The following DGKB variants were observed in gnomAD, a reference collection of about 807,000 sequenced individuals.
The protein encoded by DGKB is 90 kDa diacylglycerol kinase.
In DGKB, 67 loss-of-function variants were observed where a neutral mutation model predicts 114.3. The observed-to-expected ratio is 0.59, with a 90% CI of 0.48 to 0.72. The LOEUF is 0.72. Among genes scored for constraint, DGKB ranks in the 30% least tolerant of loss-of-function variants. DGKB has a pLI of 0.00. For synonymous variants in DGKB, 398 were observed against 323.1 expected, an observed-to-expected ratio of 1.23 and a Z score of -2.49; for missense variants, 907 against 975.2, an observed-to-expected ratio of 0.93 and a Z score of 0.93.
chr7:14,574,494 C>T, intron 19 of DGKB, 122 bp from the exon 20 acceptor site: 1 of 749,912 alleles, frequency 1.3e-6, no homozygotes, highest in Non-Finnish European at 2.1e-6. Context: ...TTTTGAAGCA[C>T]ATTCTGCCAC....
In DGKB at chr7:14,959,573, A is replaced by G. The variant is rs564387836; in HGVS notation, c.-188+15123T>C. On this transcript the variant is annotated intron_variant, in intron 1 of 4. Coordinates refer to the DGKB transcript ENST00000437998. Reference sequence around the variant, plus strand: ...TAGCCTAGTAACCATGTTTGTCACCAAATTACATATTGCCATGCTTACTAA... The same window carrying G: ...TAGCCTAGTAACCATGTTTGTCACCGAATTACATATTGCCATGCTTACTAA... Among the ~76,000 whole-genome samples, 79 of 152,140 alleles carry G rather than the reference A, an allele frequency of 5.2e-4. No homozygotes were observed. The South Asian group carries it at 0.011, about 22-fold the overall frequency.
rs1554404750 is a variant in DGKB, at chr7:14,392,995, G to GTTTTTTTGTTTTTTTGTTTTTTT, written c.1836-47605_1836-47604insAAAAAAACAAAAAAACAAAAAAA. Among the ~76,000 whole-genome samples, 7 of 60,548 alleles carry GTTTTTTTGTTTTTTTGTTTTTTT rather than the reference G, an allele frequency of 1.2e-4. No individual in the cohort carries two copies. The East Asian group carries it at 3.7e-3, about 32-fold the overall frequency. 39.7% of individuals were successfully genotyped at this position (60,548 alleles called of 152,430 possible). On this transcript the variant is annotated intron_variant, in intron 21 of 25. Coordinates refer to ENST00000402815, the MANE Select transcript of DGKB (RefSeq NM_001350709.2). ...CAAAACAGACCTGTTTTTTGTTTTT[G>GTTTTTTTGTTTTTTTGTTTTTTT]TTTTTTTTTTTTTGAGACGGAGTCT...
At chr7:14,946,976 T>C (rs1002147561) in intron 1 of DGKB, among the ~76,000 whole-genome samples, 13 of 151,726 alleles carry the variant, frequency 8.6e-5, no homozygotes, top group Admixed American at 3.3e-4. Flanking sequence ...AAATAAGTCA[T>C]ACTCTAAGAA....
chr7:14,475,245 T>A (rs80146441), intron 21 of DGKB, among the ~76,000 whole-genome samples: 8,946 of 152,128 alleles, frequency 0.059, 850 homozygotes, highest in African/African-American at 0.2. Flanking sequence ...AAAATCCATT[T>A]GCAAATTCCT....
chr7:14,573,467 CTGTGTGTGTGTGTGTG>C (rs4027158), intron 20 of DGKB, among the ~76,000 whole-genome samples: 1 of 145,472 alleles, frequency 6.9e-6, no homozygotes, highest in African/African-American at 2.5e-5. Context: ...TAATCTATCT[CTGTGTGTGTGTGTGTG>C]TGTGTGTGTG....
At chr7:14,926,254 T>A (rs1201030845) in intron 1 of DGKB, among the ~76,000 whole-genome samples, 1 of 152,102 alleles carries the variant, frequency 6.6e-6, no homozygotes, top group African/African-American at 2.4e-5. Flanking sequence ...TTATGGCTGC[T>A]TTAAAATTCT....
chr7:14,382,290 A>T (rs12699612), intron 21 of DGKB, among the ~76,000 whole-genome samples: 98,805 of 148,532 alleles, frequency 0.67, 33,452 homozygotes, highest in Non-Finnish European at 0.75. Flanking sequence ...AACAGTGGCA[A>T]TTTTTTTTTT....
At chr7:14,255,292 T>TA (rs1795799544) in intron 23 of DGKB, among the ~76,000 whole-genome samples, 1 of 152,322 alleles carries the variant, frequency 6.6e-6, no homozygotes, top group Non-Finnish European at 1.5e-5. Context: ...AGAGGTGTTT[T>TA]AGTGATTAAA....
chr7:14,693,761 C>A (rs1009621137), intron 9 of DGKB, among the ~76,000 whole-genome samples: 1 of 151,812 alleles, frequency 6.6e-6, no homozygotes, highest in African/African-American at 2.4e-5. Flanking sequence ...TACTGGAGAG[C>A]CTCTTGCTTT....
chr7:14,250,512 T>C (rs1177984847), intron 23 of DGKB, among the ~76,000 whole-genome samples: 2 of 152,168 alleles, frequency 1.3e-5, no homozygotes, highest in African/African-American at 4.8e-5. Context: ...GGTCAGAAAA[T>C]ATATCTAATA....
intron 23 of DGKB, among the ~76,000 whole-genome samples, chr7:14,256,983 T>G (rs571306416): frequency 6.6e-6 from 1 of 152,154 alleles, no homozygotes; most frequent in South Asian, 2.1e-4. Context: ...ATGGGCATCA[T>G]AGTGAGATCC....
intron 7 of DGKB, among the ~76,000 whole-genome samples, 192 bp downstream of exon 7, chr7:14,701,489 T>C (rs571996493): frequency 6.6e-6 from 1 of 152,188 alleles, no homozygotes; most frequent in Non-Finnish European, 1.5e-5. Flanking sequence ...AACTATTCAG[T>C]AGAACAATTG....
rs1367982406 is a variant in DGKB at position 14,345,360 on chromosome 7, C to G, written c.1867G>C (p.Gly623Arg). The G allele has an allele frequency of 6.5e-7, 1 of 1,544,508 alleles. No individual in the cohort carries two copies. The highest frequency in any genetic ancestry group is 8.7e-7 in the Non-Finnish European group (1 of 1,143,378). Residue 623 changes from glycine to arginine, a missense_variant, in exon 22 of 26, where the codon GGC becomes CGC. By Grantham distance (125) the Gly-to-Arg change is moderately radical (BLOSUM62 -2). Coordinates refer to ENST00000402815, the MANE Select transcript of DGKB (RefSeq NM_001350709.2). ...MKNKFWYFEF[G>R]TSETFSATCK... ...GTGGCTGAGAAAGTTTCAGATGTGC[C>G]AAACTCAAAATACCAAAATTTGTTC...
chr7:14,417,529 A>T (rs918697981), intron 21 of DGKB, among the ~76,000 whole-genome samples: 2 of 152,036 alleles, frequency 1.3e-5, no homozygotes, highest in African/African-American at 4.8e-5. Flanking sequence ...GGGAAAAATT[A>T]TTCTTGAACC....
In DGKB at chr7:14,338,561, T is replaced by C. The variant is rs1216820024; in HGVS notation, c.2076A>G (p.Lys692=). 1 of 1,604,862 alleles carries C rather than the reference T, an allele frequency of 6.2e-7. No homozygotes were observed. Among genetic ancestry groups the C allele is most frequent in the African/African-American group, 1.3e-5 (1 of 74,120 alleles). Reference sequence around the variant, plus strand: ...CTTTGGCATCTGTGACGGTGGTCCTTTTGTCAGACCCTTTTTTCTCTATTC... The same window carrying C: ...CTTTGGCATCTGTGACGGTGGTCCTCTTGTCAGACCCTTTTTTCTCTATTC... ...HRRIEKKGSD[K]RTTVTDAKEL... Residue 692 remains lysine, a synonymous_variant, in exon 23 of 26, where the codon AAA becomes AAG. Transcript: ENST00000402815.
chr7:14,689,194 C>CTTTTATTTT (rs1563917251), intron 9 of DGKB, among the ~76,000 whole-genome samples: 1 of 92,330 alleles, frequency 1.1e-5, no homozygotes, highest in Non-Finnish European at 2.3e-5. Flanking sequence ...ACAGAAACTC[C>CTTTTATTTT]TCTTATTTTT....
intron 23 of DGKB, among the ~76,000 whole-genome samples, chr7:14,337,603 A>G (rs1810917219): frequency 6.6e-6 from 1 of 152,068 alleles, no homozygotes; most frequent in Admixed American, 6.6e-5. Context: ...ACCACCATAA[A>G]GCCCACCAAC....
At chr7:14,360,352 T>C (rs1815465773) in intron 21 of DGKB, among the ~76,000 whole-genome samples, 1 of 151,916 alleles carries the variant, frequency 6.6e-6, no homozygotes, top group Non-Finnish European at 1.5e-5. Context: ...TTAGGAGAAA[T>C]ACCGAATGTA....
At chr7:14,688,984 C>A (rs1822219113) in intron 9 of DGKB, among the ~76,000 whole-genome samples, 1 of 151,718 alleles carries the variant, frequency 6.6e-6, no homozygotes, top group Admixed American at 6.6e-5. Flanking sequence ...TTCAGAAGAC[C>A]TCAAGGAGAA....
Sources: allele counts gnomAD v4.1 joint callset (sites outside exome capture counted in the v4.1 genomes callset), GRCh38; gene constraint gnomAD v4.1.1; transcripts MANE v1.5; gene names NCBI Gene and HGNC (gene_info 2026-07-23, HGNC 2026-07-21).